The following PRKCA variants were observed in gnomAD, a reference collection of about 807,000 sequenced individuals.
The protein encoded by PRKCA is protein kinase C alpha type.
PRKCA carries 27 observed loss-of-function variants against 87.0 expected under a neutral mutation model. The ratio of observed to expected loss-of-function variants is 0.31; its 90% CI spans 0.23 to 0.43. The LOEUF (loss-of-function observed/expected upper bound fraction) is 0.43, where lower values mean the gene tolerates loss of function less well. Among genes scored for constraint, PRKCA ranks in the 20% least tolerant of loss-of-function variants. PRKCA has a pLI of 1.00. For missense variants in PRKCA, 518 were observed against 852.3 expected, an observed-to-expected ratio of 0.61 and a Z score of 4.88; for synonymous variants, 329 against 311.1, an observed-to-expected ratio of 1.06 and a Z score of -0.61.
At position 66,763,663 on chromosome 17, in the gene PRKCA, T is replaced by C. The variant is rs1386369573; in HGVS notation, c.1525-10324T>C. On this transcript the variant is annotated intron_variant, in intron 13 of 16. Coordinates refer to ENST00000413366, the MANE Select transcript of PRKCA (RefSeq NM_002737.3). Reference sequence around the variant, plus strand: ...ACAGTAAAAGGACTTGAGTGTGTTTTATGCATAAAGGCCACCGTTATTTTG... The same window carrying C: ...ACAGTAAAAGGACTTGAGTGTGTTTCATGCATAAAGGCCACCGTTATTTTG... 2.0e-5 allele frequency among the ~76,000 whole-genome samples: 3 copies of C among 152,218 alleles called. No homozygotes were observed. In the East Asian group the frequency reaches 5.8e-4, roughly 29 times the overall value.
intron 14 of PRKCA, among the ~76,000 whole-genome samples, chr17:66,780,760 G>A (rs1482280607): frequency 6.6e-6 from 1 of 152,032 alleles, no homozygotes; most frequent in South Asian, 2.1e-4. Context: ...AGGGAATGGG[G>A]ATGCTTTTTT....
chr17:66,757,636 AG>A (rs1189331690), intron 13 of PRKCA, among the ~76,000 whole-genome samples: 1 of 151,908 alleles, frequency 6.6e-6, no homozygotes, highest in East Asian at 1.9e-4. Flanking sequence ...TCAAAAGGGA[AG>A]GAGAAATAAA....
At chr17:66,765,430 A>ATCTATATATCTATATATCTATCTATC (rs1568020939) in intron 13 of PRKCA, among the ~76,000 whole-genome samples, 1 of 130,880 alleles carries the variant, frequency 7.6e-6, no homozygotes, top group African/African-American at 2.9e-5. Context: ...ATATATATAT[A>ATCTATATATCTATATATCTATCTATC]TATATATATA....
intron 2 of PRKCA, among the ~76,000 whole-genome samples, chr17:66,434,107 G>T (rs993429733): frequency 6.6e-6 from 1 of 151,950 alleles, no homozygotes; most frequent in African/African-American, 2.4e-5. Flanking sequence ...CTCTTCTTGG[G>T]CCTCTTGCTG....
intron 2 of PRKCA, among the ~76,000 whole-genome samples, chr17:66,474,393 A>G (rs979012275): frequency 2.0e-5 from 3 of 152,200 alleles, no homozygotes; most frequent in African/African-American, 7.2e-5. Flanking sequence ...TTGTATCTAT[A>G]TACATTTGCT....
chr17:66,791,481 C>T (rs991776168), intron 16 of PRKCA, among the ~76,000 whole-genome samples: 1 of 152,174 alleles, frequency 6.6e-6, no homozygotes, highest in South Asian at 2.1e-4. Context: ...CAGGGAGACC[C>T]GTAGACGCTG....
chr17:66,798,480 T>TAC (rs1390496569), intron 16 of PRKCA, among the ~76,000 whole-genome samples: 52 of 52,098 alleles, frequency 1.0e-3, no homozygotes, highest in Non-Finnish European at 1.5e-3. Context: ...GTGGTGGTGG[T>TAC]GGTGGTGACG....
intron 8 of PRKCA, among the ~76,000 whole-genome samples, chr17:66,714,219 C>A (rs550950166): frequency 6.6e-6 from 1 of 151,850 alleles, no homozygotes; most frequent in East Asian, 1.9e-4. Flanking sequence ...CATGTTCCCC[C>A]CCACCCGCTG....
intron 9 of PRKCA, among the ~76,000 whole-genome samples, chr17:66,735,285 T>C (rs1433301533): frequency 6.6e-6 from 1 of 152,244 alleles, no homozygotes; most frequent in Non-Finnish European, 1.5e-5. Context: ...CTTGGCAGCA[T>C]TGAAGTTTTG....
chr17:66,681,250 T>A (rs1327720374), intron 5 of PRKCA, among the ~76,000 whole-genome samples: 1 of 136,202 alleles, frequency 7.3e-6, no homozygotes, highest in Non-Finnish European at 1.7e-5. Flanking sequence ...GGAAAGCATC[T>A]GGACCGTTCT....
chr17:66,577,972 G>C (rs544184106), intron 3 of PRKCA, among the ~76,000 whole-genome samples: 1 of 151,962 alleles, frequency 6.6e-6, no homozygotes, highest in South Asian at 2.1e-4. Context: ...CACCTGCTCT[G>C]TGCCATGGAC....
At chr17:66,411,044 A>G (rs1349621769) in intron 2 of PRKCA, among the ~76,000 whole-genome samples, 2 of 151,914 alleles carry the variant, frequency 1.3e-5, no homozygotes, top group African/African-American at 2.4e-5. Context: ...TGATAATTGT[A>G]TATATTCTCT....
chr17:66,355,406 GGT>G (rs1444007827), intron 2 of PRKCA, among the ~76,000 whole-genome samples: 1 of 152,130 alleles, frequency 6.6e-6, no homozygotes, highest in African/African-American at 2.4e-5. Context: ...CTTGTGCAGT[GGT>G]GATGGAGCTC....
intron 13 of PRKCA, among the ~76,000 whole-genome samples, chr17:66,765,418 C>CTA (rs58356468): frequency 0.13 from 6,138 of 49,014 alleles, 470 homozygotes; most frequent in Non-Finnish European, 0.14. Context: ...AAGACTTTGT[C>CTA]TATATATATA....
At chr17:66,673,323 T>A (rs1349139727) in intron 5 of PRKCA, among the ~76,000 whole-genome samples, 2 of 152,206 alleles carry the variant, frequency 1.3e-5, no homozygotes, top group Non-Finnish European at 1.5e-5. Context: ...TGTTTTCTGG[T>A]ACGTGAATGG....
intron 13 of PRKCA, among the ~76,000 whole-genome samples, chr17:66,763,170 G>A (rs1039559839): frequency 5.3e-5 from 8 of 152,228 alleles, no homozygotes; most frequent in African/African-American, 1.9e-4. Flanking sequence ...GCACTTTAGA[G>A]GTAGGCAGTG....
chr17:66,430,440 C>T (rs2143829336), intron 2 of PRKCA, among the ~76,000 whole-genome samples: 1 of 151,882 alleles, frequency 6.6e-6, no homozygotes, highest in South Asian at 2.1e-4. Context: ...AGAGGTCTCC[C>T]TGTAGTCAAA....
chr17:66,660,558 A>G (rs1971865493), intron 5 of PRKCA, among the ~76,000 whole-genome samples: 1 of 152,058 alleles, frequency 6.6e-6, no homozygotes, highest in African/African-American at 2.4e-5. Context: ...ACCACGGCTC[A>G]GGGAATATGG....
chr17:66,642,367 G>A (rs1251249397), intron 4 of PRKCA, among the ~76,000 whole-genome samples: 1 of 152,040 alleles, frequency 6.6e-6, no homozygotes, highest in African/African-American at 2.4e-5. Context: ...CTGACCTCGT[G>A]ATCCGCCCGC....
Sources: allele counts gnomAD v4.1 joint callset (sites outside exome capture counted in the v4.1 genomes callset), GRCh38; gene constraint gnomAD v4.1.1; transcripts MANE v1.5; gene names NCBI Gene and HGNC (gene_info 2026-07-23, HGNC 2026-07-21).